Variants in NTM observed in about 807,000 individuals in gnomAD.
NTM encodes IgLON family member 2.
In NTM, 13 loss-of-function variants were observed where a neutral mutation model predicts 42.1. The ratio of observed to expected loss-of-function variants is 0.31; its 90% CI spans 0.20 to 0.49. NTM has a LOEUF of 0.49. Ranked by LOEUF, NTM falls within the 20% of genes least tolerant of loss-of-function variation. NTM has a pLI of 0.99. For synonymous variants in NTM, 187 were observed against 179.2 expected, an observed-to-expected ratio of 1.04 and a Z score of -0.35; for missense variants, 373 against 452.8, an observed-to-expected ratio of 0.82 and a Z score of 1.60.
At chr11:132,095,677 T>A (rs1413401796) in intron 2 of NTM, among the ~76,000 whole-genome samples, 1 of 152,214 alleles carries the variant, frequency 6.6e-6, no homozygotes, top group East Asian at 1.9e-4. Context: ...GCCATCCTTG[T>A]GTCTAGGCGT....
At chr11:131,405,956 C>A (rs1945768424) in intron 1 of NTM, among the ~76,000 whole-genome samples, 1 of 152,212 alleles carries the variant, frequency 6.6e-6, no homozygotes. Context: ...CTGCATTCCA[C>A]AATTCAACTC....
intron 1 of NTM, among the ~76,000 whole-genome samples, chr11:131,405,002 T>C (rs908929756): frequency 1.3e-5 from 2 of 152,182 alleles, no homozygotes; most frequent in Non-Finnish European, 2.9e-5. Flanking sequence ...CGTATTCCCC[T>C]GCAAAACAAC....
intron 1 of NTM, among the ~76,000 whole-genome samples, chr11:131,514,394 T>C (rs1404403779): frequency 1.3e-5 from 2 of 152,164 alleles, no homozygotes; most frequent in African/African-American, 2.4e-5. Context: ...ATATTGGCCT[T>C]ATTGGCAGTC....
chr11:131,431,765 C>G (rs373381378), intron 1 of NTM, among the ~76,000 whole-genome samples: 20 of 152,286 alleles, frequency 1.3e-4, no homozygotes, highest in African/African-American at 4.8e-4. Context: ...TTACACAGAG[C>G]CTGGAGCCAA....
chr11:131,574,948 C>G (rs371454077), intron 1 of NTM, among the ~76,000 whole-genome samples: 90 of 152,220 alleles, frequency 5.9e-4, no homozygotes, highest in African/African-American at 2.1e-3. Context: ...CCAAAAAACC[C>G]CCTACTTGGC....
chr11:131,910,522 G>T (rs2054618799), intron 1 of NTM, among the ~76,000 whole-genome samples: 1 of 151,376 alleles, frequency 6.6e-6, no homozygotes, highest in African/African-American at 2.4e-5. Flanking sequence ...CCGCCAGCCC[G>T]CCCGCTCGCT....
At chr11:132,264,889 CAA>C (rs2093085159) in intron 4 of NTM, among the ~76,000 whole-genome samples, 1 of 152,156 alleles carries the variant, frequency 6.6e-6, no homozygotes, top group African/African-American at 2.4e-5. Context: ...GATGACAGCT[CAA>C]GTCTCCCTTC....
At chr11:131,773,254 C>T (rs183895312) in intron 1 of NTM, among the ~76,000 whole-genome samples, 399 of 151,964 alleles carry the variant, frequency 2.6e-3, no homozygotes, top group African/African-American at 9.1e-3. Context: ...GATGGTGGGG[C>T]AAAAAAGGGC....
intron 4 of NTM, among the ~76,000 whole-genome samples, chr11:132,216,774 G>A (rs1008088341): frequency 2.6e-5 from 4 of 152,204 alleles, no homozygotes; most frequent in Non-Finnish European, 5.9e-5. Flanking sequence ...AAAGAGGCAT[G>A]CCTGTTCTCC....
chr11:131,512,976 G>T (rs941685962), intron 1 of NTM, among the ~76,000 whole-genome samples: 1 of 152,078 alleles, frequency 6.6e-6, no homozygotes, highest in Non-Finnish European at 1.5e-5. Flanking sequence ...CTGAGATCTC[G>T]GGACATTTCC....
chr11:131,930,494 T>C (rs2058476301), intron 2 of NTM, among the ~76,000 whole-genome samples: 1 of 152,242 alleles, frequency 6.6e-6, no homozygotes, highest in Non-Finnish European at 1.5e-5. Context: ...AGTATTTTCC[T>C]TTTGTTATGA....
intron 1 of NTM, among the ~76,000 whole-genome samples, chr11:131,500,273 GGTT>G (rs2046577431): frequency 6.6e-6 from 1 of 152,126 alleles, no homozygotes; most frequent in Non-Finnish European, 1.5e-5. Context: ...TCTTTGAACA[GGTT>G]GTACATTTTA....
chr11:132,334,888 A>C, intron 8 of NTM, 158 bp from the exon 9 acceptor site: 38 of 713,922 alleles, frequency 5.3e-5, no homozygotes, highest in East Asian at 1.3e-4. Context: ...TGTGGGCCAT[A>C]GAACGTTCAC....
intron 3 of NTM, among the ~76,000 whole-genome samples, chr11:132,196,313 T>G (rs572103522): frequency 6.6e-6 from 1 of 152,182 alleles, no homozygotes; most frequent in East Asian, 1.9e-4. Flanking sequence ...TTGGCAAAAT[T>G]GTAGAGAAAA....
chr11:132,146,164 T>A lies in NTM; in HGVS notation c.168-118T>A, dbSNP rs896428062. The A allele has an allele frequency of 4.9e-6, 7 of 1,439,742 alleles. No homozygotes were observed. Among genetic ancestry groups the A allele is most frequent in the Non-Finnish European group, 6.5e-6 (7 of 1,074,278 alleles). The allele number at this position is 1,439,742 out of a possible 1,614,324, so 89.2% of individuals were successfully genotyped here. A position where few individuals can be genotyped will look rare whatever the true frequency, so the allele number is the denominator to read the frequency against. On this transcript the variant is annotated intron_variant, in intron 2 of 8. Coordinates refer to ENST00000683400, the MANE Select transcript of NTM (RefSeq NM_001352005.2). The surrounding 1 kb of genome is among the most constrained non-coding windows in gnomAD (Gnocchi z 4.5). ...TCCACCCCTGACAAATCAAAGGAAA[T>A]GTATGTGTTGGGGGAAGGGAGAAAG...
intron 2 of NTM, among the ~76,000 whole-genome samples, chr11:132,143,981 G>GGAGCATACTGTT (rs71067361): frequency 6.6e-6 from 1 of 151,832 alleles, no homozygotes; most frequent in East Asian, 1.9e-4. Context: ...AGAAAGGCTT[G>GGAGCATACTGTT]GATCAGTTCA....
intron 4 of NTM, among the ~76,000 whole-genome samples, chr11:132,221,821 A>G (rs1305972042): frequency 6.6e-6 from 1 of 152,168 alleles, no homozygotes; most frequent in Non-Finnish European, 1.5e-5. Context: ...GGGGCAGGAG[A>G]AGGAATTTGC....
intron 1 of NTM, among the ~76,000 whole-genome samples, chr11:131,598,679 T>A (rs908034101): frequency 3.1e-5 from 4 of 129,240 alleles, no homozygotes; most frequent in African/African-American, 5.2e-5. Flanking sequence ...TCTCTTCTCA[T>A]TTGTTTTCTT....
intron 1 of NTM, among the ~76,000 whole-genome samples, chr11:131,643,842 T>C (rs982170368): frequency 4.6e-5 from 7 of 151,814 alleles, no homozygotes; most frequent in African/African-American, 7.3e-5. Context: ...TGTGAGAGAG[T>C]TGTAAAAGAA....
Sources: allele counts gnomAD v4.1 joint callset (sites outside exome capture counted in the v4.1 genomes callset), GRCh38; gene constraint gnomAD v4.1.1; non-coding constraint Gnocchi (gnomAD v3.1); transcripts MANE v1.5; gene names NCBI Gene and HGNC (gene_info 2026-07-23, HGNC 2026-07-21).